PTPRD: variants seen among roughly 807,000 people sequenced by gnomAD.
PTPRD encodes protein tyrosine phosphatase receptor type D, also known as receptor-type tyrosine-protein phosphatase delta.
PTPRD carries 34 observed loss-of-function variants against 214.5 expected under a neutral mutation model. The observed-to-expected ratio is 0.16, with a 90% CI of 0.12 to 0.21. The LOEUF (loss-of-function observed/expected upper bound fraction) is 0.21. Ranked by LOEUF, PTPRD falls within the 10% of genes least tolerant of loss-of-function variation. The pLI is 1.00. For synonymous variants in PTPRD, 1,128 were observed against 845.7 expected (o/e 1.33, Z -5.79); for missense variants, 2,545 against 2,398.7 (o/e 1.06, Z -1.27).
Position 8,967,957 on chromosome 9 carries a change from A to G in PTPRD, c.-104+50740T>C, listed in dbSNP as rs536001142. On this transcript the variant is annotated intron_variant, in intron 11 of 45. Coordinates refer to ENST00000381196, the MANE Select transcript of PTPRD (RefSeq NM_002839.4). ...TGTGATGTTCCCCTTCCTGTGTCCA[A>G]GTGTTCTCATTGTTCAATTCCTACC... is the stretch of plus-strand genomic sequence containing the variant. Among the ~76,000 whole-genome samples, 252 of 151,806 alleles carry G rather than the reference A, an allele frequency of 1.7e-3. 1 individual carries two copies. The highest frequency in any genetic ancestry group is 5.5e-3 in the African/African-American group (226 of 41,420).
intron 11 of PTPRD, among the ~76,000 whole-genome samples, chr9:8,980,570 T>A (rs888740368): frequency 6.6e-6 from 1 of 152,098 alleles, no homozygotes; most frequent in African/African-American, 2.4e-5. Context: ...TTTATCAACA[T>A]TCTCAAGGAT....
intron 8 of PTPRD, among the ~76,000 whole-genome samples, chr9:9,425,986 C>T (rs1418953352): frequency 2.0e-5 from 3 of 152,126 alleles, no homozygotes; most frequent in Non-Finnish European, 1.5e-5. Flanking sequence ...ATGAGAGACA[C>T]AGAAGATGGG....
chr9:9,743,968 T>C (rs1033594536), intron 6 of PTPRD, among the ~76,000 whole-genome samples: 3 of 152,152 alleles, frequency 2.0e-5, no homozygotes, highest in African/African-American at 7.2e-5. Flanking sequence ...TCCTATATCC[T>C]AACTTGTATA....
At chr9:8,790,115 C>G (rs1036950511) in intron 11 of PTPRD, among the ~76,000 whole-genome samples, 8 of 152,064 alleles carry the variant, frequency 5.3e-5, no homozygotes, top group African/African-American at 1.9e-4. Context: ...CTCTTGGGCT[C>G]AAGCAATCCT....
intron 9 of PTPRD, among the ~76,000 whole-genome samples, chr9:9,383,209 A>G (rs939608123): frequency 6.6e-6 from 1 of 152,052 alleles, no homozygotes; most frequent in Non-Finnish European, 1.5e-5. Flanking sequence ...TTCCAGAGTT[A>G]TTCTCCAACT....
chr9:9,602,721 C>A (rs565008932), intron 7 of PTPRD, among the ~76,000 whole-genome samples: 1 of 151,962 alleles, frequency 6.6e-6, no homozygotes, highest in Admixed American at 6.6e-5. Flanking sequence ...GTTACTCTAT[C>A]TTATTCCCGT....
chr9:9,198,591 G>T (rs2099940032), intron 9 of PTPRD, among the ~76,000 whole-genome samples: 1 of 151,740 alleles, frequency 6.6e-6, no homozygotes, highest in South Asian at 2.1e-4. Context: ...GACTTGGTTT[G>T]GAATTCCTGA....
intron 7 of PTPRD, among the ~76,000 whole-genome samples, chr9:9,721,728 A>T (rs1224275070): frequency 6.6e-6 from 1 of 152,086 alleles, no homozygotes; most frequent in Non-Finnish European, 1.5e-5. Context: ...AGGTCACATA[A>T]ATTCTTACCC....
chr9:9,058,442 G>GTTTTTTTTTTTTTTTTTTTTTTT lies in PTPRD; in HGVS notation c.-142-39730_-142-39708dup, dbSNP rs777910266. Reference sequence around the variant, plus strand: ...TATTGGTGAGAGAAATATTATGAGGGTTTTTTTTTTTTTTTTTTTTTTTTT... The same window carrying GTTTTTTTTTTTTTTTTTTTTTTT: ...TATTGGTGAGAGAAATATTATGAGGGTTTTTTTTTTTTTTTTTTTTTTTTTTTTTTTTTTTTTTTTTTTTTTTT... On this transcript the variant is annotated intron_variant, in intron 10 of 45. Transcript: ENST00000381196. Among the ~76,000 whole-genome samples, 5 of 69,916 alleles carry GTTTTTTTTTTTTTTTTTTTTTTT rather than the reference G, an allele frequency of 7.2e-5. 1 individual carries two copies. Among genetic ancestry groups the GTTTTTTTTTTTTTTTTTTTTTTT allele is most frequent in the Admixed American group, 2.5e-4 (1 of 4,040 alleles). The allele number at this position is 69,916 out of a possible 152,430, so 45.9% of individuals were successfully genotyped here.
chr9:9,475,301 A>C (rs2094943579), intron 8 of PTPRD, among the ~76,000 whole-genome samples: 1 of 152,156 alleles, frequency 6.6e-6, no homozygotes, highest in Non-Finnish European at 1.5e-5. Flanking sequence ...CAAAACCAAT[A>C]CTAGAATGTC....
At position 9,393,082 on chromosome 9, in the gene PTPRD, T is replaced by C. The variant is rs972103896; in HGVS notation, c.-203+4367A>G. 2.0e-5 allele frequency among the ~76,000 whole-genome samples: 3 copies of C among 152,110 alleles called. No individual in the cohort carries two copies. In the East Asian group the frequency reaches 5.8e-4, roughly 29 times the overall value. ...CTGAAAGTTTTTCTCTTTTTCCTTT[T>C]TTACCCAATAAATTGTTATTCTCAC... On this transcript the variant is annotated intron_variant, in intron 9 of 45. Transcript: ENST00000381196.
intron 11 of PTPRD, among the ~76,000 whole-genome samples, chr9:8,792,274 T>C (rs996310390): frequency 1.3e-5 from 2 of 152,164 alleles, no homozygotes; most frequent in African/African-American, 4.8e-5. Flanking sequence ...AAGTAAGATG[T>C]CTCCACAAAT....
At chr9:8,934,441 ATATAT>A (rs1567097706) in intron 11 of PTPRD, among the ~76,000 whole-genome samples, 9 of 43,952 alleles carry the variant, frequency 2.0e-4, no homozygotes, top group Admixed American at 3.5e-4. Flanking sequence ...ATATAAATAT[ATATAT>A]AAATTTATAT....
At chr9:8,424,798 A>C (rs1296454657) in intron 35 of PTPRD, among the ~76,000 whole-genome samples, 1 of 152,130 alleles carries the variant, frequency 6.6e-6, no homozygotes, top group Non-Finnish European at 1.5e-5. Flanking sequence ...CCACTGGTTG[A>C]AGTTTAGAGG....
At chr9:10,083,122 C>T (rs867843475) in intron 3 of PTPRD, among the ~76,000 whole-genome samples, 12 of 151,692 alleles carry the variant, frequency 7.9e-5, no homozygotes, top group South Asian at 4.2e-4. Context: ...TATTCTATAC[C>T]CTATAAAATA....
chr9:8,364,346 C>T (rs534152562), intron 39 of PTPRD, among the ~76,000 whole-genome samples: 8 of 152,360 alleles, frequency 5.3e-5, no homozygotes, highest in African/African-American at 1.2e-4. Context: ...GTACCACACA[C>T]AGTTTTTATT....
intron 8 of PTPRD, among the ~76,000 whole-genome samples, chr9:9,506,426 T>A (rs1159758588): frequency 6.6e-6 from 1 of 151,406 alleles, no homozygotes; most frequent in Non-Finnish European, 1.5e-5. Flanking sequence ...TTAGTTCCAG[T>A]GAGATGGGTC....
At chr9:8,656,163 G>T (rs1053821685) in intron 12 of PTPRD, among the ~76,000 whole-genome samples, 13 of 152,134 alleles carry the variant, frequency 8.5e-5, no homozygotes, top group Non-Finnish European at 1.8e-4. Context: ...TGTTAAAGAT[G>T]CATATTCTCT....
chr9:9,682,101 C>G (rs186223954), intron 7 of PTPRD, among the ~76,000 whole-genome samples: 26 of 151,844 alleles, frequency 1.7e-4, no homozygotes, highest in African/African-American at 6.0e-4. Flanking sequence ...CCCTGGAAAA[C>G]AGCAAAGTGA....
Sources: gnomAD v4.1 joint callset for allele counts (sites outside exome capture counted in the v4.1 genomes callset) on GRCh38, gnomAD v4.1.1 for gene constraint, MANE v1.5 for transcripts, NCBI Gene and HGNC (gene_info 2026-07-23, HGNC 2026-07-21) for gene names.